The following MRC1 variants were observed in gnomAD, a reference collection of about 807,000 sequenced individuals.
MRC1 encodes the protein macrophage mannose receptor 1.
MRC1 carries 62 observed loss-of-function variants against 102.9 expected under a neutral mutation model. That is an observed-to-expected ratio of 0.60 (90% CI 0.49 to 0.74). The LOEUF (loss-of-function observed/expected upper bound fraction) is 0.74, where lower values mean the gene tolerates loss of function less well. MRC1 is among the 30% of genes least tolerant of loss of function. The probability of loss-of-function intolerance (pLI) is 0.00; values close to 1 mark genes in which losing one functional copy is unlikely to be tolerated. For synonymous variants in MRC1, 457 were observed against 298.4 expected, an observed-to-expected ratio of 1.53 and a Z score of -5.48; for missense variants, 1,237 against 862.8, an observed-to-expected ratio of 1.43 and a Z score of -5.43.
chr10:17,864,827 CAAAAA>C (rs34931364), intron 11 of MRC1, among the ~76,000 whole-genome samples: 4 of 80,536 alleles, frequency 5.0e-5, no homozygotes, highest in Non-Finnish European at 7.2e-5. Flanking sequence ...AAAACTCCAT[CAAAAA>C]AAAAAAAAAA....
chr10:17,829,726 ATT>A (rs1486050728), intron 3 of MRC1, among the ~76,000 whole-genome samples: 1 of 151,466 alleles, frequency 6.6e-6, no homozygotes, highest in East Asian at 1.9e-4. Flanking sequence ...AAGGGTATAT[ATT>A]TCATGGGTCC....
intron 25 of MRC1, 123 bp from the exon 26 acceptor site, chr10:17,901,850 T>C: frequency 1.3e-6 from 1 of 757,904 alleles, no homozygotes; most frequent in Non-Finnish European, 2.4e-6. Context: ...ATCCAAATGA[T>C]AACCATTGGA....
At chr10:17,843,935 C>G (rs1403456279) in intron 5 of MRC1, among the ~76,000 whole-genome samples, 1 of 152,138 alleles carries the variant, frequency 6.6e-6, no homozygotes, top group Non-Finnish European at 1.5e-5. Context: ...GGCTCATTCA[C>G]CCTGTCTTCA....
chr10:17,849,560 C>T lies in MRC1; in HGVS notation c.1064-19C>T, dbSNP rs1226236249. On this transcript the variant is annotated intron_variant, in intron 6 of 29. Coordinates refer to ENST00000569591, the MANE Select transcript of MRC1 (RefSeq NM_002438.4). ...CAAATCTTTTAAAATTTTTTTCCGA[C>T]CCCCCTTTTTGTTTCTAGAAAGTGA... The T allele has an allele frequency of 7.9e-6, 5 of 629,026 alleles. No homozygotes were observed. The highest frequency in any genetic ancestry group is 1.4e-5 in the Non-Finnish European group (5 of 351,390). The allele number at this position is 629,026 out of a possible 1,614,324, so 39.0% of individuals were successfully genotyped here.
At chr10:17,819,883 T>C (rs1012389286) in intron 1 of MRC1, among the ~76,000 whole-genome samples, 29 of 152,278 alleles carry the variant, frequency 1.9e-4, no homozygotes, top group Non-Finnish European at 4.4e-5. Flanking sequence ...AATTCAAGGC[T>C]GCAGTGAGCT....
intron 17 of MRC1, among the ~76,000 whole-genome samples, chr10:17,877,686 A>G (rs1038230158): frequency 7.9e-5 from 12 of 152,176 alleles, no homozygotes; most frequent in Non-Finnish European, 1.5e-4. Context: ...TGCATCAAAT[A>G]AAAGACTCCT....
At chr10:17,825,575 A>G (rs1254422304) in intron 2 of MRC1, among the ~76,000 whole-genome samples, 2 of 152,146 alleles carry the variant, frequency 1.3e-5, no homozygotes, top group African/African-American at 4.8e-5. Context: ...ACCTAAACAA[A>G]ATGTAAAAAT....
intron 8 of MRC1, among the ~76,000 whole-genome samples, chr10:17,855,907 G>T (rs1833082768): frequency 6.6e-6 from 1 of 152,094 alleles, no homozygotes; most frequent in Non-Finnish European, 1.5e-5. Context: ...AGTGGCTCAT[G>T]CCTGTAATCC....
chr10:17,815,781 G>GT, intron 1 of MRC1, among the ~76,000 whole-genome samples: 1 of 152,100 alleles, frequency 6.6e-6, no homozygotes, highest in South Asian at 2.1e-4. Context: ...GACAAATGAA[G>GT]TAATTCTCTG....
intron 3 of MRC1, among the ~76,000 whole-genome samples, 179 bp downstream of exon 3, chr10:17,827,894 T>C (rs1838505334): frequency 6.6e-6 from 1 of 152,152 alleles, no homozygotes; most frequent in Admixed American, 6.5e-5. Context: ...GAAAATGATC[T>C]ATATTGGCTG....
intron 1 of MRC1, among the ~76,000 whole-genome samples, chr10:17,813,964 G>T (rs1306386365): frequency 6.6e-6 from 1 of 152,086 alleles, no homozygotes; most frequent in Non-Finnish European, 1.5e-5. Flanking sequence ...CTCCCAAAGT[G>T]CTGGGATTAC....
chr10:17,897,805 C>T (rs1475404002), intron 23 of MRC1, among the ~76,000 whole-genome samples: 5 of 152,082 alleles, frequency 3.3e-5, no homozygotes, highest in African/African-American at 1.2e-4. Flanking sequence ...CATGTATTTG[C>T]CTTAATATTC....
chr10:17,875,147 G>T lies in MRC1; in HGVS notation c.2444G>T (p.Ser815Ile). ...TACAAAGACTACCAGTATTATTTCA[G>T]CAAAGAGAAGGAAACCATGGACAAT... ...VIYKDYQYYF[S>I]KEKETMDNAR... Residue 815 changes from serine to isoleucine, a missense_variant, in exon 17 of 30, where the codon AGC (serine) becomes ATC (isoleucine). By Grantham distance (142) the Ser-to-Ile change is moderately radical. Transcript: ENST00000569591. The T allele has an allele frequency of 1.3e-6, 1 of 780,850 alleles. No homozygotes were observed. Among genetic ancestry groups the T allele is most frequent in the South Asian group, 1.3e-5 (1 of 74,620 alleles). The allele number at this position is 780,850 out of a possible 1,614,324, so 48.4% of individuals were successfully genotyped here.
intron 18 of MRC1, 89 bp from the exon 19 acceptor site, chr10:17,879,632 G>A: frequency 2.6e-6 from 2 of 780,324 alleles, no homozygotes; most frequent in South Asian, 1.3e-5. Flanking sequence ...CATGGTGCTG[G>A]GATTACAGGC....
At chr10:17,885,463 T>C (rs1393893578) in intron 22 of MRC1, 28 bp downstream of exon 22, 1 of 779,992 alleles carries the variant, frequency 1.3e-6, no homozygotes, top group African/African-American at 1.7e-5. Flanking sequence ...GTCACCTCTC[T>C]ACACACCATC....
intron 12 of MRC1, among the ~76,000 whole-genome samples, chr10:17,867,248 C>T (rs1029907672): frequency 2.5e-4 from 38 of 149,810 alleles, no homozygotes; most frequent in Non-Finnish European, 4.3e-4. Context: ...TCTCCCCCTT[C>T]CCCCTTTCCC....
chr10:17,869,709 T>A (rs1833327632), intron 12 of MRC1, among the ~76,000 whole-genome samples: 1 of 152,146 alleles, frequency 6.6e-6, no homozygotes, highest in Non-Finnish European at 1.5e-5. Context: ...TGTTAAGATG[T>A]ACAACCATAA....
In MRC1 at chr10:17,906,749, C is replaced by A; in HGVS notation, c.3800-137C>A. On this transcript the variant is annotated intron_variant, in intron 26 of 29. Transcript: ENST00000569591. ...AACTAAAATTCTGAGGAAACAAACA[C>A]CTGCCCTTTGAAATTCTTCCCCTTA... 5.3e-6 allele frequency: 4 copies of A among 749,698 alleles called. 1 individual carries two copies. The highest frequency in any genetic ancestry group is 2.9e-5 in the South Asian group (2 of 68,724). The allele number at this position is 749,698 out of a possible 1,614,324, so 46.4% of individuals were successfully genotyped here.
At chr10:17,896,141 G>A (rs1184800110) in intron 23 of MRC1, among the ~76,000 whole-genome samples, 2 of 152,122 alleles carry the variant, frequency 1.3e-5, no homozygotes, top group Non-Finnish European at 2.9e-5. Context: ...GGTGAGGGTT[G>A]CTGTCATCCT....
Sources: allele counts gnomAD v4.1 joint callset (sites outside exome capture counted in the v4.1 genomes callset), GRCh38; gene constraint gnomAD v4.1.1; transcripts MANE v1.5; gene names NCBI Gene and HGNC (gene_info 2026-07-23, HGNC 2026-07-21).